STK32C: variants seen among roughly 807,000 people sequenced by gnomAD.
STK32C encodes serine/threonine-protein kinase 32C.
In STK32C, 31 loss-of-function variants were observed where a neutral mutation model predicts 56.5. The observed-to-expected ratio is 0.55, with a 90% CI of 0.41 to 0.74. STK32C has a LOEUF of 0.74. Among genes scored for constraint, STK32C ranks in the 30% least tolerant of loss-of-function variants. The pLI, the probability that STK32C is intolerant of heterozygous loss-of-function variation, is 0.00. For missense variants in STK32C, 544 were observed against 676.9 expected, an observed-to-expected ratio of 0.80 and a Z score of 2.18; for synonymous variants, 309 against 289.4, an observed-to-expected ratio of 1.07 and a Z score of -0.69.
intron 2 of STK32C, among the ~76,000 whole-genome samples, chr10:132,233,808 G>A (rs1348916757): frequency 6.6e-6 from 1 of 152,256 alleles, no homozygotes; most frequent in Non-Finnish European, 1.5e-5. Context: ...TAAAGCCCTT[G>A]TTTAGTCAGA....
chr10:132,271,601 C>T (rs1414129281), intron 1 of STK32C, among the ~76,000 whole-genome samples: 2 of 152,232 alleles, frequency 1.3e-5, no homozygotes, highest in East Asian at 1.9e-4. Flanking sequence ...CAGCATGACA[C>T]GGTCATGTCC....
At chr10:132,248,278 TGA>T (rs2063760803) in intron 1 of STK32C, among the ~76,000 whole-genome samples, 1 of 150,378 alleles carries the variant, frequency 6.6e-6, no homozygotes, top group African/African-American at 2.4e-5. Context: ...GGGAGGAGAG[TGA>T]GAGGGCAGCT....
intron 8 of STK32C, 34 bp downstream of exon 8, chr10:132,224,373 C>T (rs753913139): frequency 6.0e-5 from 90 of 1,494,354 alleles, no homozygotes; most frequent in South Asian, 1.2e-4. Flanking sequence ...GGTGGGTGCT[C>T]GGAGGGTGAG....
At position 132,228,370 on chromosome 10, in the gene STK32C, A is replaced by C. The variant is rs375343824; in HGVS notation, c.319-242T>G. Among the ~76,000 whole-genome samples the C allele has an allele frequency of 4.6e-4, 70 of 152,230 alleles. No individual in the cohort carries two copies. The South Asian group carries it at 0.01, about 23-fold the overall frequency. On this transcript the variant is annotated intron_variant, in intron 2 of 11. Coordinates refer to ENST00000298630, the MANE Select transcript of STK32C (RefSeq NM_173575.4). The stretch of plus-strand genomic sequence containing the variant: ...TTTGGAGGCCGTGATTCTGCCCCCC[A>C]GAGGTTCCTGTACTGGTTAGTGTGT...
chr10:132,250,754 C>T (rs1355772003), intron 1 of STK32C, among the ~76,000 whole-genome samples: 3 of 152,340 alleles, frequency 2.0e-5, no homozygotes, highest in South Asian at 4.1e-4. Flanking sequence ...TCCACGTCTC[C>T]GCCTGGCTTT....
At chr10:132,228,191 T>C in intron 2 of STK32C, 63 bp from the exon 3 acceptor site, 1 of 1,606,728 alleles carries the variant, frequency 6.2e-7, no homozygotes, top group Non-Finnish European at 8.5e-7. Flanking sequence ...TGGGGACACC[T>C]GGAAATGCAT....
chr10:132,233,452 T>C (rs527442357), intron 2 of STK32C, among the ~76,000 whole-genome samples: 53 of 152,236 alleles, frequency 3.5e-4, no homozygotes, highest in Admixed American at 8.5e-4. Flanking sequence ...TGGGAATCCG[T>C]TTTGGGGTTT....
intron 1 of STK32C, among the ~76,000 whole-genome samples, chr10:132,272,693 C>T (rs1279588612): frequency 6.6e-6 from 1 of 152,232 alleles, no homozygotes; most frequent in East Asian, 1.9e-4. Context: ...GGTCTCCCCG[C>T]CTCCACCCTC....
chr10:132,222,874 C>T lies in STK32C; in HGVS notation c.1106G>A (p.Gly369Asp), dbSNP rs780201420. Residue 369 changes from glycine to aspartate, a missense_variant, in exon 9 of 12, where the codon GGC (glycine) becomes GAC (aspartate). Physicochemically the swap from Gly to Asp is moderately conservative, Grantham distance 94. This residue lies in a region of STK32C where 277 missense variants were observed against 309.3 expected (regional missense o/e 0.90). Transcript: ENST00000298630. ...CCACAGGCTTACGTTGGGCACGAAG[C>T]CCGGCTCCACCCTCTTCTCGCTCAG... ...DHLSEKRVEP[G>D]FVPNKGRLHC... is the part of the protein sequence containing the mutation. 7.9e-5 allele frequency: 124 copies of T among 1,578,840 alleles called. No individual in the cohort carries two copies. Among genetic ancestry groups the T allele is most frequent in the Non-Finnish European group, 1.0e-4 (119 of 1,165,196 alleles).
exon 1 of STK32C, chr10:132,331,731 T>C: frequency 6.2e-7 from 1 of 1,612,360 alleles, no homozygotes; most frequent in South Asian, 1.1e-5. Flanking sequence ...AGACGGCACT[T>C]AGCATCCCGC....
At chr10:132,271,658 C>T (rs958931280) in intron 1 of STK32C, among the ~76,000 whole-genome samples, 2 of 152,222 alleles carry the variant, frequency 1.3e-5, no homozygotes, top group African/African-American at 4.8e-5. Flanking sequence ...CAGCCCCCAC[C>T]ACTGAAAAAC....
At chr10:132,231,866 G>A (rs998926464) in intron 2 of STK32C, among the ~76,000 whole-genome samples, 5 of 152,320 alleles carry the variant, frequency 3.3e-5, no homozygotes, top group South Asian at 4.1e-4. Context: ...ACCAGACGCC[G>A]GGAGAAGGCA....
intron 2 of STK32C, among the ~76,000 whole-genome samples, chr10:132,237,638 T>C (rs1230985106): frequency 6.6e-6 from 1 of 152,232 alleles, no homozygotes; most frequent in Non-Finnish European, 1.5e-5. Context: ...CAGAGGAACC[T>C]GAGTGTGCCG....
chr10:132,326,002 T>G (rs1233600488), intron 1 of STK32C, among the ~76,000 whole-genome samples: 2 of 152,154 alleles, frequency 1.3e-5, no homozygotes, highest in Non-Finnish European at 2.9e-5. Context: ...ATTACAGGCA[T>G]GAGCCACCAC....
In STK32C at chr10:132,289,432, G is replaced by A. The variant is rs184031373; in HGVS notation, c.262+18140C>T. Among the ~76,000 whole-genome samples, 463 of 152,294 alleles carry A rather than the reference G, an allele frequency of 3.0e-3. 2 individuals are homozygous for A. The highest frequency in any genetic ancestry group is 5.0e-3 in the Non-Finnish European group (339 of 68,036). ...CACCAAAGGACTTGAATACAGAATC[G>A]TTAAACTCCTACAACTTAATAAAAC... On this transcript the variant is annotated intron_variant, in intron 1 of 11. Transcript: ENST00000298630.
intron 8 of STK32C, 129 bp downstream of exon 8, chr10:132,224,278 A>T: frequency 1.4e-6 from 1 of 698,836 alleles, no homozygotes; most frequent in Non-Finnish European, 2.5e-6. Flanking sequence ...CACAGGTTGC[A>T]GTGAAGGGAT....
At chr10:132,277,854 G>T (rs1056741254) in intron 1 of STK32C, among the ~76,000 whole-genome samples, 23 of 151,986 alleles carry the variant, frequency 1.5e-4, no homozygotes, top group African/African-American at 5.6e-4. Context: ...ACACCCTCCC[G>T]ACCTCTCCTT....
intron 1 of STK32C, among the ~76,000 whole-genome samples, chr10:132,270,600 T>TC (rs1230687163): frequency 1.3e-5 from 2 of 152,022 alleles, no homozygotes; most frequent in African/African-American, 4.8e-5. Context: ...TCCCTTGGAG[T>TC]CCCACGCCTG....
At chr10:132,264,557 GGGACCCGGGCCAGGACCCCTCCA>G (rs2064429593) in intron 1 of STK32C, among the ~76,000 whole-genome samples, 1 of 152,222 alleles carries the variant, frequency 6.6e-6, no homozygotes, top group African/African-American at 2.4e-5. Context: ...AGGGAGAGGA[GGGACCCGGGCCAGGACCCCTCCA>G]GGACCCTCTC....
Sources: gnomAD v4.1 joint callset for allele counts (sites outside exome capture counted in the v4.1 genomes callset) on GRCh38, gnomAD v4.1.1 for gene constraint, gnomAD v4.1.1 regional missense constraint, MANE v1.5 for transcripts, NCBI Gene and HGNC (gene_info 2026-07-23, HGNC 2026-07-21) for gene names.